Variants in MYO1H observed in about 807,000 individuals in gnomAD.
The protein encoded by MYO1H is myosin IH.
In MYO1H, 118 loss-of-function variants were observed where a neutral mutation model predicts 149.3. That is an observed-to-expected ratio of 0.79 (90% CI 0.68 to 0.92). The LOEUF is 0.92. Ranked by LOEUF, MYO1H falls within the 40% of genes least tolerant of loss-of-function variation. MYO1H has a pLI of 0.00. For synonymous variants in MYO1H, 447 were observed against 465.2 expected, an observed-to-expected ratio of 0.96 and a Z score of 0.50; for missense variants, 1,212 against 1,280.7, an observed-to-expected ratio of 0.95 and a Z score of 0.82.
intron 19 of MYO1H, among the ~76,000 whole-genome samples, chr12:109,428,937 G>A (rs1265883524): frequency 2.0e-5 from 3 of 152,180 alleles, no homozygotes; most frequent in African/African-American, 7.2e-5. Flanking sequence ...GGCCGGGCAT[G>A]TTGCCTCACA....
chr12:109,370,036 A>C (rs752122253), intron 1 of MYO1H, among the ~76,000 whole-genome samples: 3 of 152,170 alleles, frequency 2.0e-5, no homozygotes, highest in African/African-American at 7.2e-5. Flanking sequence ...TGTCATGAGA[A>C]CAGCACAGGG....
intron 1 of MYO1H, among the ~76,000 whole-genome samples, chr12:109,377,825 T>C (rs1319121922): frequency 1.3e-5 from 2 of 152,224 alleles, no homozygotes; most frequent in African/African-American, 4.8e-5. Context: ...GAAAGAATAG[T>C]ATAATGAATC....
intron 16 of MYO1H, among the ~76,000 whole-genome samples, chr12:109,422,839 C>T (rs9669684): frequency 0.33 from 50,326 of 151,952 alleles, 8,494 homozygotes; most frequent in Admixed American, 0.4. Flanking sequence ...TTTGAAAGTC[C>T]GAGGTGGGTG....
chr12:109,353,500 C>G (rs1416351003), intron 1 of MYO1H, among the ~76,000 whole-genome samples: 1 of 150,472 alleles, frequency 6.6e-6, no homozygotes, highest in Non-Finnish European at 1.5e-5. Context: ...TGTTTCAAAT[C>G]TAAATGATGT....
chr12:109,444,526 G>T, exon 30 of MYO1H: 1 of 1,612,530 alleles, frequency 6.2e-7, no homozygotes, highest in Non-Finnish European at 8.5e-7. Flanking sequence ...GTTGTTCAAG[G>T]AAGGTAGGTG....
rs186713647 is a variant in MYO1H, at chr12:109,443,164, A to G, written c.2689-350A>G. Reference sequence around the variant, plus strand: ...TATATGTGTACGTATGTGTGTGTATATGTGTACGTATGTGTGTATATGTGT... The same window carrying G: ...TATATGTGTACGTATGTGTGTGTATGTGTGTACGTATGTGTGTATATGTGT... On this transcript the variant is annotated intron_variant, in intron 27 of 31. Coordinates refer to ENST00000310903, the Ensembl canonical transcript of MYO1H. Among the ~76,000 whole-genome samples, 7 of 141,238 alleles carry G rather than the reference A, an allele frequency of 5.0e-5. 2 individuals carry two copies. The East Asian group carries it at 1.2e-3, about 24-fold the overall frequency. 92.7% of individuals were successfully genotyped at this position (141,238 alleles called of 152,430 possible).
At chr12:109,371,919 T>A (rs898361593) in intron 1 of MYO1H, among the ~76,000 whole-genome samples, 55 of 152,322 alleles carry the variant, frequency 3.6e-4, no homozygotes, top group African/African-American at 1.1e-3. Flanking sequence ...TGGAGTATCT[T>A]CTACATATAT....
intron 1 of MYO1H, among the ~76,000 whole-genome samples, chr12:109,378,875 A>G (rs1869142816): frequency 6.6e-6 from 1 of 152,118 alleles, no homozygotes; most frequent in Non-Finnish European, 1.5e-5. Flanking sequence ...TCTCTTTTAA[A>G]ATATAGGTTC....
chr12:109,382,436 A>G (rs1288611881), intron 1 of MYO1H, among the ~76,000 whole-genome samples: 1 of 152,228 alleles, frequency 6.6e-6, no homozygotes, highest in African/African-American at 2.4e-5. Context: ...GACTTGAGAG[A>G]CACATTGGCT....
chr12:109,343,618 A>G (rs762465814), upstream of MYO1H, among the ~76,000 whole-genome samples: 15 of 152,218 alleles, frequency 9.9e-5, no homozygotes, highest in Non-Finnish European at 1.9e-4. Flanking sequence ...ACAGAATCGA[A>G]CGATCACAAT....
At chr12:109,436,017 G>T (rs1007422369) in intron 21 of MYO1H, among the ~76,000 whole-genome samples, 1 of 152,206 alleles carries the variant, frequency 6.6e-6, no homozygotes, top group Non-Finnish European at 1.5e-5. Context: ...AAATTGCTGT[G>T]TGGAGGGGGT....
In MYO1H at chr12:109,442,852, T is replaced by C. The variant is rs563737648; in HGVS notation, c.2688+580T>C. 4.1e-5 allele frequency among the ~76,000 whole-genome samples: 6 copies of C among 147,688 alleles called. No individual in the cohort carries two copies. In the South Asian group the frequency reaches 1.1e-3, roughly 27 times the overall value. On this transcript the variant is annotated intron_variant, in intron 27 of 31. Coordinates refer to ENST00000310903, the Ensembl canonical transcript of MYO1H. ...GGGAATAGAAGCCACTGTGACTGGA[T>C]TGGATTACACTGTGGCTGTGAGAGT... is the stretch of plus-strand genomic sequence containing the variant.
chr12:109,338,882 T>C, the MYO1H span, among the ~76,000 whole-genome samples: 2 of 152,160 alleles, frequency 1.3e-5, no homozygotes, highest in African/African-American at 4.8e-5. Context: ...ATCCTGCCCT[T>C]ATTTCTTGAA....
At chr12:109,421,101 T>C in intron 16 of MYO1H, 74 bp downstream of exon 16, 1 of 1,110,858 alleles carries the variant, frequency 9.0e-7, no homozygotes, top group Non-Finnish European at 1.3e-6. Flanking sequence ...TTTGGTAGAA[T>C]TCGCCTTCTG....
chr12:109,335,594 A>AT, the MYO1H span, among the ~76,000 whole-genome samples: 2 of 152,164 alleles, frequency 1.3e-5, no homozygotes, highest in East Asian at 3.9e-4. Context: ...AAAAACTAAT[A>AT]TTTTGCCAGT....
chr12:109,443,054 G>A (rs937977346), intron 27 of MYO1H, among the ~76,000 whole-genome samples: 2 of 71,576 alleles, frequency 2.8e-5, no homozygotes, highest in Non-Finnish European at 5.4e-5. Context: ...GTGTATATAT[G>A]TGTACGTATG....
rs553132998 is a variant in MYO1H at position 109,413,779 on chromosome 12, A to G, written c.1503-1747A>G. Among the ~76,000 whole-genome samples the G allele has an allele frequency of 9.9e-5, 15 of 152,148 alleles. 3 individuals carry two copies. Among genetic ancestry groups the G allele is most frequent in the African/African-American group, 3.6e-4 (15 of 41,528 alleles). ...ACAAAAATTAGCCAGGCATGGTGGT[A>G]CACGCCTGTAGTTCCAGCTACTCAG... On this transcript the variant is annotated intron_variant, in intron 14 of 31. Transcript: ENST00000310903.
the MYO1H span, among the ~76,000 whole-genome samples, chr12:109,327,128 C>T: frequency 0.42 from 41,904 of 99,518 alleles, 10,482 homozygotes; most frequent in African/African-American, 0.51. Context: ...TTTTCTTTTT[C>T]TTTTTCTTTT....
chr12:109,366,970 C>T (rs1287875657), intron 1 of MYO1H, among the ~76,000 whole-genome samples: 1 of 152,154 alleles, frequency 6.6e-6, no homozygotes, highest in African/African-American at 2.4e-5. Context: ...AGATGCTCAA[C>T]CAGCAAGCAT....
Sources: allele counts gnomAD v4.1 joint callset (sites outside exome capture counted in the v4.1 genomes callset), GRCh38; gene constraint gnomAD v4.1.1; transcripts MANE v1.5; gene names NCBI Gene and HGNC (gene_info 2026-07-23, HGNC 2026-07-21).